Variants in ZNF679 observed in about 807,000 individuals in gnomAD.
The protein encoded by ZNF679 is hypothetical protein MGC42415.
Under a neutral mutation model 13.4 loss-of-function variants are expected in ZNF679, and 10 were observed. The ratio of observed to expected loss-of-function variants is 0.75; its 90% CI spans 0.46 to 1.27. The LOEUF (loss-of-function observed/expected upper bound fraction) is 1.27, where lower values mean the gene tolerates loss of function less well. Ranked by LOEUF, ZNF679 falls within the 50% of genes most tolerant of loss-of-function variation. ZNF679 has a pLI of 0.00. For synonymous variants in ZNF679, 179 were observed against 162.5 expected (o/e 1.10, Z -0.77); for missense variants, 525 against 477.8 (o/e 1.10, Z -0.92).
chr7:64,265,226 C>A (rs1788127868), intron 4 of ZNF679, among the ~76,000 whole-genome samples: 1 of 152,068 alleles, frequency 6.6e-6, no homozygotes, highest in Non-Finnish European at 1.5e-5. Flanking sequence ...CTTGGCATAG[C>A]CTGAAACCAA....
chr7:64,257,656 G>C (rs1448710021), intron 2 of ZNF679, among the ~76,000 whole-genome samples: 1 of 152,166 alleles, frequency 6.6e-6, no homozygotes, highest in Non-Finnish European at 1.5e-5. Flanking sequence ...CCCAAGTGCA[G>C]ACCTACTCAG....
intron 4 of ZNF679, among the ~76,000 whole-genome samples, chr7:64,262,969 C>T (rs1270393020): frequency 6.6e-6 from 1 of 152,134 alleles, no homozygotes; most frequent in African/African-American, 2.4e-5. Context: ...ATTATTTGAC[C>T]TGTGCAAGAA....
chr7:64,240,117 T>C (rs1744521948), intron 1 of ZNF679, among the ~76,000 whole-genome samples: 1 of 152,202 alleles, frequency 6.6e-6, no homozygotes. Flanking sequence ...TGATATATAT[T>C]GCTTGGCCAA....
intron 1 of ZNF679, among the ~76,000 whole-genome samples, chr7:64,229,630 G>A (rs775701859): frequency 6.6e-6 from 1 of 152,106 alleles, no homozygotes; most frequent in African/African-American, 2.4e-5. Context: ...AAAACTCATG[G>A]ACTTTATAAA....
At chr7:64,244,413 T>A (rs1787839356) in intron 1 of ZNF679, among the ~76,000 whole-genome samples, 1 of 151,862 alleles carries the variant, frequency 6.6e-6, no homozygotes. Flanking sequence ...AATCAATAAG[T>A]TATATTTTTG....
In ZNF679 at chr7:64,256,771, C is replaced by T. The variant is rs140524758; in HGVS notation, c.40-3450C>T. Among the ~76,000 whole-genome samples, 1,171 of 149,776 alleles carry T rather than the reference C, an allele frequency of 7.8e-3. 9 individuals carry two copies. The highest frequency in any genetic ancestry group is 0.013 in the Non-Finnish European group (858 of 67,810). On this transcript the variant is annotated intron_variant, in intron 2 of 4. Coordinates refer to ENST00000421025, the MANE Select transcript of ZNF679 (RefSeq NM_153363.3). ...GGAGTGCAGTGGCATGATCTCAGCT[C>T]ACTGCAAACTCCGCCTTCTGGTTTC... is the stretch of plus-strand genomic sequence containing the variant.
chr7:64,240,860 T>G (rs962677897), intron 1 of ZNF679, among the ~76,000 whole-genome samples: 20 of 152,310 alleles, frequency 1.3e-4, no homozygotes, highest in Admixed American at 1.3e-3. Context: ...AACAGTGGAC[T>G]AAATCAATGC....
chr7:64,229,284 T>A (rs191477756), intron 1 of ZNF679, among the ~76,000 whole-genome samples: 17 of 152,260 alleles, frequency 1.1e-4, no homozygotes, highest in Admixed American at 9.2e-4. Flanking sequence ...AGTGTTGTGA[T>A]TTTTTTGTGA....
At chr7:64,244,794 G>C (rs1049956442) in intron 1 of ZNF679, among the ~76,000 whole-genome samples, 1 of 152,208 alleles carries the variant, frequency 6.6e-6, no homozygotes, top group African/African-American at 2.4e-5. Flanking sequence ...CTCCATTGGG[G>C]TCTCCCAGAA....
chr7:64,228,878 A>G (rs1041160800), intron 1 of ZNF679, among the ~76,000 whole-genome samples: 1 of 152,236 alleles, frequency 6.6e-6, no homozygotes, highest in Non-Finnish European at 1.5e-5. Context: ...CAGAACCTCA[A>G]CAGTGAGCTG....
chr7:64,265,277 T>A (rs1287218995), intron 4 of ZNF679, among the ~76,000 whole-genome samples: 1 of 152,170 alleles, frequency 6.6e-6, no homozygotes, highest in Non-Finnish European at 1.5e-5. Context: ...CTCTCAAACA[T>A]GTTCTCAGGA....
At chr7:64,260,041 G>A (rs577300814) in intron 2 of ZNF679, among the ~76,000 whole-genome samples, 180 bp from the exon 3 acceptor site, 1 of 152,286 alleles carries the variant, frequency 6.6e-6, no homozygotes, top group East Asian at 1.9e-4. Context: ...TGGTATTGTG[G>A]AGAGTTAGAG....
chr7:64,236,846 GAAACAAAAGAAA>G (rs1787719165), intron 1 of ZNF679, among the ~76,000 whole-genome samples: 1 of 111,790 alleles, frequency 8.9e-6, no homozygotes, highest in Non-Finnish European at 2.0e-5. Context: ...AGGAGAGAAA[GAAACAAAAGAAA>G]GAAAAAAAGA....
At chr7:64,236,837 G>A (rs953610208) in intron 1 of ZNF679, among the ~76,000 whole-genome samples, 1 of 138,722 alleles carries the variant, frequency 7.2e-6, no homozygotes, top group Non-Finnish European at 1.6e-5. Context: ...AAGGAAAAAA[G>A]GAGAGAAAGA....
intron 4 of ZNF679, among the ~76,000 whole-genome samples, chr7:64,265,011 A>G (rs1039665020): frequency 1.3e-4 from 19 of 151,332 alleles, no homozygotes; most frequent in African/African-American, 4.4e-4. Context: ...CTGGTTTTCC[A>G]TTTTTCTCAC....
In ZNF679 at chr7:64,249,088, G is replaced by T. The variant is rs762835450; in HGVS notation, c.-30G>T. ...TGTTCCTAGAGGCCAAGCCACTGTG[G>T]CCTTGTGTTCTGCAGGTATCCGCAG... On this transcript the variant is annotated 5_prime_UTR_variant, in exon 2 of 5. Coordinates refer to ENST00000421025, the MANE Select transcript of ZNF679 (RefSeq NM_153363.3). The T allele has an allele frequency of 3.7e-6, 6 of 1,614,012 alleles. No individual in the cohort carries two copies. The highest frequency in any genetic ancestry group is 5.1e-6 in the Non-Finnish European group (6 of 1,179,960).
At position 64,243,773 on chromosome 7, in the gene ZNF679, G is replaced by C. The variant is rs976230084; in HGVS notation, c.-90-5255G>C. 2.0e-5 allele frequency among the ~76,000 whole-genome samples: 3 copies of C among 152,174 alleles called. No homozygotes were observed. In the East Asian group the frequency reaches 5.8e-4, roughly 29 times the overall value. ...AAAAATCAGTCAGATACTGAGTGAA[G>C]GTATACGTCACAATCACGTCTGTGA... is the stretch of plus-strand genomic sequence containing the variant. On this transcript the variant is annotated intron_variant, in intron 1 of 4. Coordinates refer to ENST00000421025, the MANE Select transcript of ZNF679 (RefSeq NM_153363.3).
In ZNF679 at chr7:64,236,922, G is replaced by GAAGAAAAGA. The variant is rs1758919925; in HGVS notation, c.-91+8276_-91+8277insAGAAAGAAA. On this transcript the variant is annotated intron_variant, in intron 1 of 4. Coordinates refer to ENST00000421025, the MANE Select transcript of ZNF679 (RefSeq NM_153363.3). The stretch of plus-strand genomic sequence containing the variant: ...AAAAAGAAAAAAAGAAAGAAAGAAA[G>GAAGAAAAGA]AAGAAAGAAAGAAAGAAAGAAAGAA... Among the ~76,000 whole-genome samples the GAAGAAAAGA allele has an allele frequency of 3.5e-5, 3 of 85,398 alleles. No individual in the cohort carries two copies. In the South Asian group the frequency reaches 1.4e-3, roughly 40 times the overall value. 56.0% of individuals were successfully genotyped at this position (85,398 alleles called of 152,430 possible).
intron 1 of ZNF679, among the ~76,000 whole-genome samples, chr7:64,242,373 C>T (rs1388424965): frequency 6.6e-6 from 1 of 152,198 alleles, no homozygotes; most frequent in African/African-American, 2.4e-5. Flanking sequence ...CCATCTGCTT[C>T]GAGACCTTTG....
Sources: allele counts gnomAD v4.1 joint callset (sites outside exome capture counted in the v4.1 genomes callset), GRCh38; gene constraint gnomAD v4.1.1; transcripts MANE v1.5; gene names NCBI Gene and HGNC (gene_info 2026-07-23, HGNC 2026-07-21).